Variants in SLC28A3 observed in about 807,000 individuals in gnomAD.
The protein encoded by SLC28A3 is solute carrier family 28 member 3.
In SLC28A3, 68 loss-of-function variants were observed where a neutral mutation model predicts 84.2. The ratio of observed to expected loss-of-function variants is 0.81; its 90% CI spans 0.66 to 0.99. The LOEUF (loss-of-function observed/expected upper bound fraction) is 0.99, where lower values mean the gene tolerates loss of function less well. SLC28A3 is among the 50% of genes least tolerant of loss of function. SLC28A3 has a pLI of 0.00. For synonymous variants in SLC28A3, 267 were observed against 303.6 expected (o/e 0.88, Z 1.25); for missense variants, 712 against 841.5 (o/e 0.85, Z 1.90).
the SLC28A3 span, among the ~76,000 whole-genome samples, chr9:84,362,309 G>A: frequency 3.3e-5 from 5 of 152,164 alleles, no homozygotes; most frequent in Non-Finnish European, 7.3e-5. Flanking sequence ...GGAGGCTGGA[G>A]CTATAATAAA....
chr9:84,355,214 A>T, the SLC28A3 span, among the ~76,000 whole-genome samples: 5 of 152,224 alleles, frequency 3.3e-5, no homozygotes, highest in East Asian at 9.7e-4. Context: ...GGGCTGAGGC[A>T]GGAGGATCTC....
At chr9:84,307,571 C>T (rs1825847161) in intron 3 of SLC28A3, among the ~76,000 whole-genome samples, 1 of 152,064 alleles carries the variant, frequency 6.6e-6, no homozygotes, top group South Asian at 2.1e-4. Context: ...AATATGTATA[C>T]TGAGAGTTAG....
At chr9:84,317,583 T>C (rs558504844) in intron 1 of SLC28A3, among the ~76,000 whole-genome samples, 1 of 152,124 alleles carries the variant, frequency 6.6e-6, no homozygotes, top group Non-Finnish European at 1.5e-5. Context: ...TCAGTTCTTG[T>C]GGTGGGGGTT....
chr9:84,279,149 G>A, intron 17 of SLC28A3, 116 bp downstream of exon 17: 1 of 1,006,956 alleles, frequency 9.9e-7, no homozygotes, highest in Middle Eastern at 2.6e-4. Context: ...CTCCAGCCTG[G>A]GAGACAGAGC....
chr9:84,294,108 T>C, intron 9 of SLC28A3, 87 bp downstream of exon 9: 1 of 1,234,352 alleles, frequency 8.1e-7, no homozygotes, highest in South Asian at 1.5e-5. Context: ...AGGCACTTCG[T>C]AAATACCTGC....
intron 1 of SLC28A3, among the ~76,000 whole-genome samples, chr9:84,336,127 G>A (rs971600558): frequency 6.6e-6 from 1 of 152,004 alleles, no homozygotes; most frequent in African/African-American, 2.4e-5. Flanking sequence ...CACTTTGGAA[G>A]GCTGAAGCAG....
At chr9:84,279,235 A>G (rs1824642311) in intron 17 of SLC28A3, 30 bp downstream of exon 17, 3 of 1,578,234 alleles carry the variant, frequency 1.9e-6, no homozygotes, top group Non-Finnish European at 1.7e-6. Context: ...TTAATGGAGT[A>G]TAAAGAAATT....
At chr9:84,341,405 C>A (rs57404564), upstream of SLC28A3, among the ~76,000 whole-genome samples, 40,365 of 151,814 alleles carry the variant, frequency 0.27, 7,217 homozygotes, top group African/African-American at 0.51. Flanking sequence ...TCAGTGATCA[C>A]CTACTGTATA....
chr9:84,328,510 G>A (rs1233977766), intron 1 of SLC28A3, among the ~76,000 whole-genome samples: 3 of 152,036 alleles, frequency 2.0e-5, no homozygotes, highest in Non-Finnish European at 4.4e-5. Flanking sequence ...TGTAATCCCA[G>A]CACTTTGGGA....
intron 8 of SLC28A3, among the ~76,000 whole-genome samples, chr9:84,295,962 G>A (rs1376943526): frequency 6.6e-6 from 1 of 152,188 alleles, no homozygotes; most frequent in Non-Finnish European, 1.5e-5. Flanking sequence ...GGTAGGCAGT[G>A]CCTTCCTGAA....
At chr9:84,354,873 G>A in the SLC28A3 span, among the ~76,000 whole-genome samples, 4 of 150,608 alleles carry the variant, frequency 2.7e-5, no homozygotes, top group African/African-American at 7.3e-5. Flanking sequence ...AAAAAAAAAA[G>A]AAAGAAAGAA....
intron 1 of SLC28A3, among the ~76,000 whole-genome samples, chr9:84,322,924 G>C (rs1195290698): frequency 6.6e-6 from 1 of 152,194 alleles, no homozygotes; most frequent in African/African-American, 2.4e-5. Flanking sequence ...AATGACTCAA[G>C]ATGTTAGAAA....
At chr9:84,280,926 G>C in intron 14 of SLC28A3, 44 bp from the exon 15 acceptor site, 1 of 1,584,824 alleles carries the variant, frequency 6.3e-7, no homozygotes, top group African/African-American at 1.3e-5. Context: ...ATCTGAGCTG[G>C]CTTAACAAAT....
At chr9:84,333,165 A>C (rs1175234030) in intron 1 of SLC28A3, among the ~76,000 whole-genome samples, 10 of 152,180 alleles carry the variant, frequency 6.6e-5, no homozygotes, top group Admixed American at 6.6e-4. Context: ...GAGAATCTGC[A>C]TTTTACATAA....
intron 1 of SLC28A3, 79 bp from the exon 2 acceptor site, chr9:84,313,533 G>A (rs1367819196): frequency 4.6e-5 from 51 of 1,117,132 alleles, no homozygotes; most frequent in Non-Finnish European, 6.6e-5. Context: ...ATACCTAGAG[G>A]AATTTGGAGG....
chr9:84,356,893 C>T, the SLC28A3 span, among the ~76,000 whole-genome samples: 135 of 151,992 alleles, frequency 8.9e-4, no homozygotes, highest in Non-Finnish European at 1.3e-3. Flanking sequence ...AACTGAGACC[C>T]GCCCTGATTC....
chr9:84,309,505 A>C (rs1426131537), intron 3 of SLC28A3, 124 bp downstream of exon 3: 1 of 709,344 alleles, frequency 1.4e-6, no homozygotes, highest in Non-Finnish European at 2.2e-6. Flanking sequence ...CCTGGGTGAC[A>C]AAGTGAGACT....
chr9:84,362,573 A>G, the SLC28A3 span, among the ~76,000 whole-genome samples: 3 of 152,192 alleles, frequency 2.0e-5, no homozygotes, highest in South Asian at 6.2e-4. Flanking sequence ...CGGAGATTGC[A>G]GTGAGCCGAG....
chr9:84,324,417 G>A (rs142162231), intron 1 of SLC28A3, among the ~76,000 whole-genome samples: 53 of 152,272 alleles, frequency 3.5e-4, no homozygotes, highest in Non-Finnish European at 6.6e-4. Context: ...GCTAAGGTAG[G>A]TGGATTGCTC....
Sources: gnomAD v4.1 joint callset for allele counts (sites outside exome capture counted in the v4.1 genomes callset) on GRCh38, gnomAD v4.1.1 for gene constraint, MANE v1.5 for transcripts, NCBI Gene and HGNC (gene_info 2026-07-23, HGNC 2026-07-21) for gene names.